Variants in SYT14 observed in about 807,000 individuals in gnomAD.
The protein encoded by SYT14 is synaptotagmin-14.
SYT14 carries 32 observed loss-of-function variants against 74.2 expected under a neutral mutation model. That is an observed-to-expected ratio of 0.43 (90% CI 0.33 to 0.58). The LOEUF is 0.58. Among genes scored for constraint, SYT14 ranks in the 20% least tolerant of loss-of-function variants. The pLI, the probability that SYT14 is intolerant of heterozygous loss-of-function variation, is 0.05. For synonymous variants in SYT14, 298 were observed against 337.7 expected (o/e 0.88, Z 1.29); for missense variants, 791 against 981.8 (o/e 0.81, Z 2.60).
At chr1:209,962,551 C>T (rs1016066607) in intron 2 of SYT14, among the ~76,000 whole-genome samples, 1 of 152,058 alleles carries the variant, frequency 6.6e-6, no homozygotes, top group African/African-American at 2.4e-5. Flanking sequence ...GATTCGTTCT[C>T]AGCTTCTTTG....
rs185153520 is a variant in SYT14 at position 210,138,011 on chromosome 1, A to T, written c.2035-17710A>T. Among the ~76,000 whole-genome samples, 248 of 151,752 alleles carry T rather than the reference A, an allele frequency of 1.6e-3. 3 individuals are homozygous for T. In the Middle Eastern group the frequency reaches 0.037, roughly 23 times the overall value. ...TTAATTATAATTTAAAATGGTAAAT[A>T]AAAAAAAATCAACATAAACACATGC... On this transcript the variant is annotated intron_variant, in intron 7 of 9. Coordinates refer to ENST00000637265, the Ensembl canonical transcript of SYT14.
intron 6 of SYT14, among the ~76,000 whole-genome samples, chr1:210,097,271 C>G (rs1000838451): frequency 6.6e-6 from 1 of 152,034 alleles, no homozygotes; most frequent in African/African-American, 2.4e-5. Flanking sequence ...TATCTTAGAG[C>G]CTATCTACAT....
chr1:209,943,759 A>C (rs1203315665), intron 1 of SYT14, among the ~76,000 whole-genome samples: 1 of 152,144 alleles, frequency 6.6e-6, no homozygotes, highest in Non-Finnish European at 1.5e-5. Flanking sequence ...TCTGAATCCT[A>C]GTCGATTACT....
chr1:210,094,782 C>G (rs1057062937), intron 6 of SYT14, among the ~76,000 whole-genome samples, 189 bp downstream of exon 5: 12 of 152,056 alleles, frequency 7.9e-5, no homozygotes, highest in African/African-American at 2.9e-4. Context: ...TCTTCAGCTG[C>G]CCCCACTCCC....
At chr1:210,055,827 A>G (rs569490433) in intron 5 of SYT14, among the ~76,000 whole-genome samples, 1 of 152,178 alleles carries the variant, frequency 6.6e-6, no homozygotes, top group Admixed American at 6.5e-5. Context: ...AATTTGTTAT[A>G]GTTATTGGTT....
chr1:210,020,991 G>A, intron 4 of SYT14, 48 bp from the exon 4 acceptor site: 1 of 1,558,084 alleles, frequency 6.4e-7, no homozygotes, highest in East Asian at 2.3e-5. Context: ...GTGAGGGGAG[G>A]GAATTTTTTT....
intron 7 of SYT14, among the ~76,000 whole-genome samples, chr1:210,112,706 G>A (rs1410242230): frequency 1.3e-5 from 2 of 151,386 alleles, no homozygotes; most frequent in Non-Finnish European, 2.9e-5. Context: ...GCTTCCTTTG[G>A]AAGTAAAGCA....
intron 2 of SYT14, among the ~76,000 whole-genome samples, chr1:210,013,204 G>A (rs1447912399): frequency 7.0e-6 from 1 of 142,624 alleles, no homozygotes; most frequent in South Asian, 2.2e-4. Context: ...CCAAGTAGCT[G>A]GGATTACAGG....
At chr1:210,116,142 GTCATTCT>G (rs1421911651) in intron 7 of SYT14, among the ~76,000 whole-genome samples, 1 of 152,094 alleles carries the variant, frequency 6.6e-6, no homozygotes, top group Non-Finnish European at 1.5e-5. Context: ...CACTTCTTTT[GTCATTCT>G]TCAGTTACTT....
intron 2 of SYT14, among the ~76,000 whole-genome samples, chr1:209,994,034 A>G (rs908782392): frequency 1.3e-5 from 2 of 152,186 alleles, no homozygotes; most frequent in Admixed American, 1.3e-4. Flanking sequence ...ACACTGCAGA[A>G]CACCAACCCT....
At chr1:210,040,271 G>GA (rs1182599462) in intron 5 of SYT14, among the ~76,000 whole-genome samples, 1 of 152,068 alleles carries the variant, frequency 6.6e-6, no homozygotes, top group African/African-American at 2.4e-5. Context: ...CACAGGAACA[G>GA]AAAACCAAAC....
chr1:210,076,884 T>G (rs2081511047), intron 5 of SYT14, among the ~76,000 whole-genome samples: 1 of 152,194 alleles, frequency 6.6e-6, no homozygotes, highest in Non-Finnish European at 1.5e-5. Flanking sequence ...AGGTGCCTTC[T>G]CCAACAATGG....
intron 7 of SYT14, among the ~76,000 whole-genome samples, chr1:210,124,842 T>C (rs1267711212): frequency 1.3e-5 from 2 of 151,980 alleles, no homozygotes; most frequent in African/African-American, 4.8e-5. Flanking sequence ...CTACAAATAT[T>C]CCCAGCCCTT....
chr1:210,140,567 G>T (rs1406339825), intron 7 of SYT14, among the ~76,000 whole-genome samples: 1 of 151,932 alleles, frequency 6.6e-6, no homozygotes, highest in Non-Finnish European at 1.5e-5. Context: ...TCTTATCTAT[G>T]AAACCATTGC....
At chr1:210,100,495 T>C in intron 7 of SYT14, 34 bp downstream of exon 6, 1 of 1,591,460 alleles carries the variant, frequency 6.3e-7, no homozygotes, top group Non-Finnish European at 8.6e-7. Flanking sequence ...GAATACAGTT[T>C]ATGTTCATGG....
chr1:209,941,467 C>T (rs2078728973), intron 1 of SYT14, among the ~76,000 whole-genome samples: 1 of 152,170 alleles, frequency 6.6e-6, no homozygotes, highest in Non-Finnish European at 1.5e-5. Context: ...AATTGCTATC[C>T]AGCATATTAA....
At chr1:210,032,211 G>T (rs1323602261) in intron 5 of SYT14, among the ~76,000 whole-genome samples, 1 of 151,970 alleles carries the variant, frequency 6.6e-6, no homozygotes, top group Non-Finnish European at 1.5e-5. Context: ...TTTTTGTATA[G>T]TACCGACATA....
intron 5 of SYT14, among the ~76,000 whole-genome samples, chr1:210,090,753 T>A (rs1572281846): frequency 6.6e-6 from 1 of 152,170 alleles, no homozygotes; most frequent in East Asian, 1.9e-4. Flanking sequence ...ATAATATAAA[T>A]TTTGTTACTT....
At chr1:209,947,288 C>G (rs1186307609) in intron 1 of SYT14, among the ~76,000 whole-genome samples, 3 of 152,054 alleles carry the variant, frequency 2.0e-5, no homozygotes, top group African/African-American at 7.2e-5. Context: ...GATAGTGATT[C>G]CTTTGATGGA....
Sources: gnomAD v4.1 joint callset for allele counts (sites outside exome capture counted in the v4.1 genomes callset) on GRCh38, gnomAD v4.1.1 for gene constraint, MANE v1.5 for transcripts, NCBI Gene and HGNC (gene_info 2026-07-23, HGNC 2026-07-21) for gene names.